RIMBP2: variants seen among roughly 807,000 people sequenced by gnomAD.
The protein encoded by RIMBP2 is RIMS binding protein 2.
In RIMBP2, 48 loss-of-function variants were observed where a neutral mutation model predicts 118.6. The ratio of observed to expected loss-of-function variants is 0.40; its 90% confidence interval spans 0.32 to 0.51. The LOEUF (loss-of-function observed/expected upper bound fraction) is 0.51, where lower values mean the gene tolerates loss of function less well. Ranked by LOEUF, RIMBP2 falls within the 20% of genes least tolerant of loss-of-function variation. The pLI is 0.41. For synonymous variants in RIMBP2, 762 were observed against 742.9 expected (o/e 1.03, Z -0.42); for missense variants, 1,551 against 1,768.3 (o/e 0.88, Z 2.20).
chr12:130,492,785 A>G (rs1396271995), intron 4 of RIMBP2, among the ~76,000 whole-genome samples: 2 of 152,190 alleles, frequency 1.3e-5, no homozygotes, highest in Admixed American at 6.5e-5. Context: ...AACAAAAAAT[A>G]CCGTCCTTCC....
chr12:130,459,764 C>T (rs144690520), intron 6 of RIMBP2, among the ~76,000 whole-genome samples: 244 of 152,090 alleles, frequency 1.6e-3, no homozygotes, highest in African/African-American at 5.7e-3. Context: ...CCATGGGACT[C>T]CCAGAAATGA....
At chr12:130,565,850 T>G (rs2057179679) in intron 2 of RIMBP2, among the ~76,000 whole-genome samples, 1 of 152,194 alleles carries the variant, frequency 6.6e-6, no homozygotes, top group Non-Finnish European at 1.5e-5. Flanking sequence ...GCATCCCAAT[T>G]TTGCTGGAGA....
At chr12:130,440,064 G>A (rs563046765) in intron 11 of RIMBP2, among the ~76,000 whole-genome samples, 60 of 151,576 alleles carry the variant, frequency 4.0e-4, no homozygotes, top group African/African-American at 1.3e-3. Context: ...CACCATCCCC[G>A]GGCATGGCTA....
At chr12:130,645,808 G>A (rs930870136) in intron 1 of RIMBP2, among the ~76,000 whole-genome samples, 5 of 152,156 alleles carry the variant, frequency 3.3e-5, no homozygotes, top group East Asian at 3.8e-4. Flanking sequence ...GCCACTTGGA[G>A]ATGCACTTTC....
chr12:130,565,330 G>A (rs950720987), intron 2 of RIMBP2, among the ~76,000 whole-genome samples: 5 of 152,116 alleles, frequency 3.3e-5, no homozygotes, highest in African/African-American at 9.7e-5. Context: ...GGGAAACAGG[G>A]TATGGAGGAT....
rs1367954871 is a variant in RIMBP2, at chr12:130,523,469, A to G, written c.-216-5552T>C. On this transcript the variant is annotated intron_variant, in intron 2 of 22. Coordinates refer to ENST00000690449, the MANE Select transcript of RIMBP2 (RefSeq NM_001393629.1). The surrounding 1 kb of genome is among the most constrained non-coding windows in gnomAD (Gnocchi z 4.4). ...GCTAAAGCAACGAGACATGGACAGG[A>G]GCCTTCACAGTGTCTCCCGAGGCAG... 6.6e-6 allele frequency among the ~76,000 whole-genome samples: 1 copy of G among 152,182 alleles called. No individual in the cohort carries two copies. Among genetic ancestry groups the G allele is most frequent in the Non-Finnish European group, 1.5e-5 (1 of 68,036 alleles).
At chr12:130,583,331 CT>C (rs534538464) in intron 2 of RIMBP2, among the ~76,000 whole-genome samples, 4 of 152,118 alleles carry the variant, frequency 2.6e-5, no homozygotes, top group Non-Finnish European at 1.5e-5. Flanking sequence ...GAAAAGGCCC[CT>C]GGCACCTAAT....
rs75205481 is a variant in RIMBP2, at chr12:130,417,402, G to T, written c.3239-3096C>A. 2.6e-5 allele frequency among the ~76,000 whole-genome samples: 4 copies of T among 152,232 alleles called. No individual in the cohort carries two copies. In the East Asian group the frequency reaches 5.8e-4, roughly 22 times the overall value. On this transcript the variant is annotated intron_variant, in intron 17 of 22. Coordinates refer to ENST00000690449, the MANE Select transcript of RIMBP2 (RefSeq NM_001393629.1). The stretch of plus-strand genomic sequence containing the variant: ...CGTATACCACATGGAATGCTATGCA[G>T]CCAGAGAAATGAACAAAATCACGTC...
chr12:130,681,317 T>G (rs2064774292), intron 1 of RIMBP2, among the ~76,000 whole-genome samples: 1 of 152,178 alleles, frequency 6.6e-6, no homozygotes, highest in African/African-American at 2.4e-5. Context: ...CATGTACTTT[T>G]TACAAATTTT....
At chr12:130,611,454 AT>A (rs1441263942) in intron 2 of RIMBP2, among the ~76,000 whole-genome samples, 1 of 152,132 alleles carries the variant, frequency 6.6e-6, no homozygotes, top group Non-Finnish European at 1.5e-5. Flanking sequence ...GGGCCGCTTC[AT>A]TTACCCGCAT....
rs138479301 is a variant in RIMBP2 at position 130,591,936 on chromosome 12, C to T, written c.-217+36386G>A. Among the ~76,000 whole-genome samples, 31 of 152,262 alleles carry T rather than the reference C, an allele frequency of 2.0e-4. No homozygotes were observed. In the South Asian group the frequency reaches 2.3e-3, roughly 11 times the overall value. On this transcript the variant is annotated intron_variant, in intron 2 of 22. Coordinates refer to ENST00000690449, the MANE Select transcript of RIMBP2 (RefSeq NM_001393629.1). ...TCTGACAGCCTGGATGGCTGCCCTG[C>T]GCTGCACCACTGCCCCAGCCGAGCC...
At position 130,434,911 on chromosome 12, in the gene RIMBP2, G is replaced by T; in HGVS notation, c.2107-31C>A. The T allele has an allele frequency of 6.3e-7, 1 of 1,581,306 alleles. No homozygotes were observed. Among genetic ancestry groups the T allele is most frequent in the South Asian group, 1.1e-5 (1 of 87,674 alleles). On this transcript the variant is annotated intron_variant, in intron 13 of 22. Coordinates refer to ENST00000690449, the MANE Select transcript of RIMBP2 (RefSeq NM_001393629.1). The surrounding 1 kb of genome is among the most constrained non-coding windows in gnomAD (Gnocchi z 5.7). ...AAAGAAAAAGGAGGCACACGGGTGA[G>T]GCAGGGCCACCTTCAGCTACGCTCA...
rs73448611 is a variant in RIMBP2 at position 130,506,557 on chromosome 12, A to G, written c.-4+91T>C. On this transcript the variant is annotated intron_variant, in intron 4 of 22. Coordinates refer to ENST00000690449, the MANE Select transcript of RIMBP2 (RefSeq NM_001393629.1). The stretch of plus-strand genomic sequence containing the variant: ...ATGATGGCTTCCAAAGGAGCTTTAC[A>G]TACCTTCTGCTCGGGGTCCTGCAGC... 1.7e-3 allele frequency: 1,571 copies of G among 914,062 alleles called. 17 individuals are homozygous for G. In the African/African-American group the frequency reaches 0.027, roughly 15 times the overall value. 56.6% of individuals were successfully genotyped at this position (914,062 alleles called of 1,614,324 possible).
chr12:130,521,777 A>G (rs922360443), intron 2 of RIMBP2, among the ~76,000 whole-genome samples: 2 of 152,252 alleles, frequency 1.3e-5, no homozygotes, highest in African/African-American at 4.8e-5. Flanking sequence ...AATTGTGAAA[A>G]GAGAAAACCC....
intron 1 of RIMBP2, among the ~76,000 whole-genome samples, chr12:130,663,252 T>C (rs1421678234): frequency 6.6e-6 from 1 of 152,094 alleles, no homozygotes; most frequent in East Asian, 1.9e-4. Context: ...GAAGTTGCTG[T>C]CAACCATCCT....
intron 2 of RIMBP2, among the ~76,000 whole-genome samples, chr12:130,520,085 AAGGAG>A (rs2051917323): frequency 6.6e-6 from 1 of 152,230 alleles, no homozygotes; most frequent in East Asian, 1.9e-4. Flanking sequence ...AATTGCAAGA[AAGGAG>A]CACAGGGAAG....
intron 1 of RIMBP2, among the ~76,000 whole-genome samples, chr12:130,680,854 C>T (rs372830278): frequency 3.3e-5 from 5 of 152,244 alleles, no homozygotes; most frequent in African/African-American, 1.2e-4. Context: ...GGACAGTTCC[C>T]GCCACACTTC....
At chr12:130,556,806 G>A (rs183462938) in intron 2 of RIMBP2, among the ~76,000 whole-genome samples, 1 of 152,338 alleles carries the variant, frequency 6.6e-6, no homozygotes, top group African/African-American at 2.4e-5. Flanking sequence ...AGTGTGGAGA[G>A]GAGCAGGAAG....
chr12:130,431,585 A>G lies in RIMBP2; in HGVS notation c.2253+3149T>C, dbSNP rs1259929615. The G allele has an allele frequency of 6.0e-6, 1 of 165,294 alleles. No individual in the cohort carries two copies. Among genetic ancestry groups the G allele is most frequent in the African/African-American group, 2.4e-5 (1 of 41,482 alleles). The allele number at this position is 165,294 out of a possible 1,614,324, so 10.2% of individuals were successfully genotyped here. A position where few individuals can be genotyped will look rare whatever the true frequency, so the allele number is the denominator to read the frequency against. ...ATTATATTATTAACAATATATATTA[A>G]CAATTAATATATTGTTATATTATTA... is the stretch of plus-strand genomic sequence containing the variant. On this transcript the variant is annotated intron_variant, in intron 14 of 22. Coordinates refer to ENST00000690449, the MANE Select transcript of RIMBP2 (RefSeq NM_001393629.1). This position sits in a 1 kb window ranked among gnomAD's most constrained non-coding sequence, Gnocchi z 4.0.
Sources: allele counts gnomAD v4.1 joint callset (sites outside exome capture counted in the v4.1 genomes callset), GRCh38; gene constraint gnomAD v4.1.1; non-coding constraint Gnocchi (gnomAD v3.1); transcripts MANE v1.5; gene names NCBI Gene and HGNC (gene_info 2026-07-23, HGNC 2026-07-21).